The following BCO1 variants were observed in gnomAD, a reference collection of about 807,000 sequenced individuals.
BCO1 encodes the protein beta-carotene oxygenase 1.
Under a neutral mutation model 56.3 loss-of-function variants are expected in BCO1, and 54 were observed. That is an observed-to-expected ratio of 0.96 (90% CI 0.77 to 1.20). The LOEUF (loss-of-function observed/expected upper bound fraction) is 1.20. BCO1 is among the 50% of genes most tolerant of loss of function. The probability of loss-of-function intolerance (pLI) is 0.00; values close to 1 mark genes in which losing one functional copy is unlikely to be tolerated. For synonymous variants in BCO1, 318 were observed against 266.1 expected (o/e 1.20, Z -1.90); for missense variants, 801 against 690.9 (o/e 1.16, Z -1.79).
At chr16:81,268,312 C>A (rs1042747219) in intron 6 of BCO1, among the ~76,000 whole-genome samples, 181 bp downstream of exon 6, 2 of 152,170 alleles carry the variant, frequency 1.3e-5, no homozygotes, top group African/African-American at 4.8e-5. Flanking sequence ...GGCCCCCAGG[C>A]CTTTGTACCC....
intron 6 of BCO1, among the ~76,000 whole-genome samples, chr16:81,269,570 C>T (rs891601087): frequency 3.3e-5 from 5 of 152,126 alleles, no homozygotes; most frequent in African/African-American, 1.2e-4. Context: ...TGGGTTCAAG[C>T]GATTCTCCTG....
At chr16:81,287,428 C>G (rs1252414456) in intron 10 of BCO1, 22 bp downstream of exon 10, 1 of 1,581,040 alleles carries the variant, frequency 6.3e-7, no homozygotes, top group Admixed American at 1.7e-5. Context: ...AGAAGCCACG[C>G]CTAGTTGCTG....
intron 5 of BCO1, among the ~76,000 whole-genome samples, chr16:81,267,705 T>C (rs956587961): frequency 1.3e-5 from 2 of 152,106 alleles, no homozygotes; most frequent in East Asian, 3.9e-4. Flanking sequence ...GTTTTCAGAT[T>C]GTATATGGGG....
intron 6 of BCO1, among the ~76,000 whole-genome samples, chr16:81,269,407 T>C (rs1016727303): frequency 6.6e-6 from 1 of 151,862 alleles, no homozygotes; most frequent in African/African-American, 2.4e-5. Context: ...GCTATTCTCC[T>C]CTCTCAGCCT....
At chr16:81,269,065 C>CTTTTTTTTTTT (rs71146003) in intron 6 of BCO1, among the ~76,000 whole-genome samples, 1 of 83,088 alleles carries the variant, frequency 1.2e-5, no homozygotes, top group Non-Finnish European at 2.2e-5. Flanking sequence ...TGCACCTGGT[C>CTTTTTTTTTTT]TTTTTTTTTT....
intron 1 of BCO1, 90 bp from the exon 2 acceptor site, chr16:81,245,385 A>G: frequency 6.3e-7 from 1 of 1,593,374 alleles, no homozygotes. Context: ...TACTGGGACC[A>G]CAACTCTCAA....
At chr16:81,261,627 G>A (rs571065573) in intron 3 of BCO1, among the ~76,000 whole-genome samples, 6 of 152,276 alleles carry the variant, frequency 3.9e-5, no homozygotes, top group East Asian at 3.9e-4. Context: ...CATTCCGGCC[G>A]ACTCATTTCT....
Position 81,290,644 on chromosome 16 carries a change from A to G in BCO1, c.*67A>G. Reference sequence around the variant, plus strand: ...GAACTCCATGGATATGTTTCTTTGGATGGAGGGGAGGGCCTTTGTTACCTT... The same window carrying G: ...GAACTCCATGGATATGTTTCTTTGGGTGGAGGGGAGGGCCTTTGTTACCTT... On this transcript the variant is annotated 3_prime_UTR_variant, in exon 11 of 11. Transcript: ENST00000258168. 3.7e-6 allele frequency: 5 copies of G among 1,339,556 alleles called. No homozygotes were observed. Among genetic ancestry groups the G allele is most frequent in the Non-Finnish European group, 5.3e-6 (5 of 946,704 alleles). The allele number at this position is 1,339,556 out of a possible 1,614,324, so 83.0% of individuals were successfully genotyped here.
At chr16:81,241,678 G>A (rs535907888) in intron 1 of BCO1, among the ~76,000 whole-genome samples, 28 of 152,298 alleles carry the variant, frequency 1.8e-4, no homozygotes, top group Middle Eastern at 6.8e-3. Context: ...TTGACAGATG[G>A]GAAACTGAGG....
chr16:81,281,712 A>G (rs533755879), intron 8 of BCO1, among the ~76,000 whole-genome samples: 1 of 152,308 alleles, frequency 6.6e-6, no homozygotes, highest in East Asian at 1.9e-4. Context: ...GGGCTCCTCA[A>G]TCTGGGCACC....
Position 81,270,245 on chromosome 16 carries a change from C to G in BCO1, c.930C>G (p.Val310=). The part of the protein sequence containing the change: ...YTDAMVVFHH[V]NAYEEDGCIV... ...ACGCCATGGTGGTCTTCCATCACGT[C>G]AACGCCTACGAAGAGGACGGCTGCA... Residue 310 remains valine, a synonymous_variant, in exon 7 of 11, where the codon GTC becomes GTG. Coordinates refer to ENST00000258168, the MANE Select transcript of BCO1 (RefSeq NM_017429.3). 1 of 1,614,212 alleles carries G rather than the reference C, an allele frequency of 6.2e-7. No homozygotes were observed. The highest frequency in any genetic ancestry group is 8.5e-7 in the Non-Finnish European group (1 of 1,180,048).
At chr16:81,242,112 C>A (rs1450792332) in intron 1 of BCO1, among the ~76,000 whole-genome samples, 1 of 151,938 alleles carries the variant, frequency 6.6e-6, no homozygotes, top group South Asian at 2.1e-4. Flanking sequence ...CTTTCTCAAG[C>A]CTGCCCCCTC....
intron 1 of BCO1, among the ~76,000 whole-genome samples, chr16:81,244,803 T>C (rs1270083111): frequency 6.6e-6 from 1 of 150,962 alleles, no homozygotes; most frequent in African/African-American, 2.4e-5. Context: ...CACTGCAGCC[T>C]GGAGCTCCCA....
chr16:81,289,410 G>C (rs949767339), intron 10 of BCO1, among the ~76,000 whole-genome samples: 4 of 152,140 alleles, frequency 2.6e-5, no homozygotes, highest in Non-Finnish European at 5.9e-5. Context: ...GGGAGGTCAA[G>C]GTAGGCAGAT....
chr16:81,285,257 C>A (rs541685625), intron 8 of BCO1, among the ~76,000 whole-genome samples: 163 of 152,338 alleles, frequency 1.1e-3, no homozygotes, highest in African/African-American at 3.8e-3. Flanking sequence ...TCATGCAATT[C>A]TCTTTGATTT....
In BCO1 at chr16:81,262,220, C is replaced by G. The variant is rs199834539; in HGVS notation, c.408C>G (p.Tyr136Ter). ...TCATGAAGTGCGGAGAAGACTTCTA[C>G]GCGACCTCAGAGACCAATTACATCA... is the stretch of plus-strand genomic sequence containing the variant. ...INIMKCGEDFYATSETNYIRK... is the reference protein window; with the variant it reads ...INIMKCGEDF Residue 136 changes from tyrosine (Y) to a stop codon, truncating the protein, a stop_gained, in exon 4 of 11, where the codon TAC (tyrosine) becomes TAG (stop). Transcript: ENST00000258168. LOFTEE classifies it high-confidence loss of function. The G allele has an allele frequency of 1.9e-6, 3 of 1,613,892 alleles. No homozygotes were observed. Among genetic ancestry groups the G allele is most frequent in the South Asian group, 1.1e-5 (1 of 91,076 alleles).
chr16:81,257,512 A>G (rs1486223900), intron 2 of BCO1, among the ~76,000 whole-genome samples: 2 of 151,412 alleles, frequency 1.3e-5, no homozygotes, highest in Non-Finnish European at 2.9e-5. Flanking sequence ...TGATCCACCC[A>G]CTTTGGCCTC....
At chr16:81,252,211 C>CT (rs1170540923) in intron 2 of BCO1, among the ~76,000 whole-genome samples, 18 of 151,026 alleles carry the variant, frequency 1.2e-4, no homozygotes, top group Admixed American at 6.0e-4. Context: ...TTCTTTCTTT[C>CT]TTTTTTTTTC....
chr16:81,238,812 G>T lies in BCO1; in HGVS notation c.-97G>T. 9.6e-7 allele frequency: 1 copy of T among 1,039,886 alleles called. No individual in the cohort carries two copies. Among genetic ancestry groups the T allele is most frequent in the African/African-American group, 1.6e-5 (1 of 63,788 alleles). 64.4% of individuals were successfully genotyped at this position (1,039,886 alleles called of 1,614,324 possible). A position where few individuals can be genotyped will look rare whatever the true frequency, so the allele number is the denominator to read the frequency against. ...TGTGAAGGAGGGAAGGAGCAGGAGAGCAGGAAGGAAACGCAGGAGGAGGGA... is the reference window on the plus strand; with the variant it reads ...TGTGAAGGAGGGAAGGAGCAGGAGATCAGGAAGGAAACGCAGGAGGAGGGA... On this transcript the variant is annotated 5_prime_UTR_variant, in exon 1 of 11. Coordinates refer to ENST00000258168, the MANE Select transcript of BCO1 (RefSeq NM_017429.3).
Sources: gnomAD v4.1 joint callset for allele counts (sites outside exome capture counted in the v4.1 genomes callset) on GRCh38, gnomAD v4.1.1 for gene constraint, MANE v1.5 for transcripts, NCBI Gene and HGNC (gene_info 2026-07-23, HGNC 2026-07-21) for gene names.